The following RPS4Y1 variants were observed in gnomAD, a reference collection of about 807,000 sequenced individuals.
RPS4Y1 encodes the protein ribosomal protein S4 Y-linked 1, also known as small ribosomal subunit protein eS4, Y isoform 1.
For synonymous variants in RPS4Y1, 23 were observed against 20.8 expected (o/e 1.10, Z -0.28); for missense variants, 30 against 60.9 (o/e 0.49, Z 1.69).
At chrY:2,851,136 C>A (rs1603309081) in intron 4 of RPS4Y1, among the ~76,000 whole-genome samples, 1 of 32,984 alleles carries the variant, frequency 3.0e-5, no homozygotes, top group East Asian at 8.0e-4. Flanking sequence ...AGCCACCGCG[C>A]CCGGCCCAGA....
At chrY:2,853,053 A>C (rs2051157149) in intron 4 of RPS4Y1, among the ~76,000 whole-genome samples, 1 of 33,357 alleles carries the variant, frequency 3.0e-5, no homozygotes, top group Non-Finnish European at 7.4e-5. Flanking sequence ...CAGTATTTCA[A>C]CTTCGGCCTT....
At position 2,867,014 on chromosome Y, in the gene RPS4Y1, A is replaced by G; in HGVS notation, c.*120A>G. 1 of 171,645 alleles carries G rather than the reference A, an allele frequency of 5.8e-6. No individual in the cohort carries two copies. Among genetic ancestry groups the G allele is most frequent in the Non-Finnish European group, 1.1e-5 (1 of 90,685 alleles). The allele number at this position is 171,645 out of a possible 400,897, so 42.8% of individuals were successfully genotyped here. The stretch of plus-strand genomic sequence containing the variant: ...GTTTGAATTTGCTCATGATTTTGGC[A>G]CTGTCTTAAGATCTCTAGGAATACC... On this transcript the variant is annotated 3_prime_UTR_variant, in exon 7 of 7. Coordinates refer to ENST00000250784, the MANE Select transcript of RPS4Y1 (RefSeq NM_001008.4).
Position 2,845,687 on chromosome Y carries a change from G to A in RPS4Y1, c.304G>A (p.Val102Ile). Residue 102 changes from valine to isoleucine, a missense_variant, in exon 4 of 7, where the codon GTC (valine) becomes ATC (isoleucine). Coordinates refer to ENST00000250784, the MANE Select transcript of RPS4Y1 (RefSeq NM_001008.4). ...IEKTGEHFRL[V>I]YDTKGRFAVH... ...GAAGACAGGTGAACATTTCCGCCTG[G>A]TCTATGACACCAAGGGCCGTTTTGC... 1 of 397,514 alleles carries A rather than the reference G, an allele frequency of 2.5e-6. No homozygotes were observed. The highest frequency in any genetic ancestry group is 3.0e-5 in the South Asian group (1 of 33,779).
At chrY:2,855,129 A>G in intron 5 of RPS4Y1, among the ~76,000 whole-genome samples, 1 of 33,860 alleles carries the variant, frequency 3.0e-5, no homozygotes, top group Non-Finnish European at 7.3e-5. Context: ...GAAGTTGTCC[A>G]GATAATCTTA....
chrY:2,854,699 A>G lies in RPS4Y1; in HGVS notation c.460A>G (p.Ile154Val). ...AACCATCCGCTACCCAGATCCTGTC[A>G]TCAAGGTGAACGATACTGTGCAGAT... ...ARTIRYPDPV[I>V]KVNDTVQIDL... is the part of the protein sequence containing the mutation. The change falls in exon 5 of 7, where the codon ATC becomes GTC. Residue 154 changes from isoleucine (I) to valine (V), a missense_variant. By Grantham distance (29) the Ile-to-Val change is conservative. Coordinates refer to ENST00000250784, the MANE Select transcript of RPS4Y1 (RefSeq NM_001008.4). 2.5e-6 allele frequency: 1 copy of G among 396,564 alleles called. No homozygotes were observed. The highest frequency in any genetic ancestry group is 3.6e-6 in the Non-Finnish European group (1 of 281,457).
chrY:2,847,508 G>A (rs2051153498), intron 4 of RPS4Y1, among the ~76,000 whole-genome samples: 1 of 33,723 alleles, frequency 3.0e-5, no homozygotes, highest in Non-Finnish European at 7.3e-5. Context: ...GAAAGAGTTT[G>A]GGTGAGCCCA....
intron 5 of RPS4Y1, among the ~76,000 whole-genome samples, chrY:2,858,072 TTTC>T (rs2051161183): frequency 3.0e-5 from 1 of 33,497 alleles, no homozygotes; most frequent in Admixed American, 2.7e-4. Context: ...TTTTATATAT[TTTC>T]TTTTTTTTTT....
Position 2,844,058 on chromosome Y carries a change from C to T in RPS4Y1, c.82-19C>T. 2.5e-6 allele frequency: 1 copy of T among 396,032 alleles called. No individual in the cohort carries two copies. The highest frequency in any genetic ancestry group is 3.6e-6 in the Non-Finnish European group (1 of 281,116). On this transcript the variant is annotated intron_variant, in intron 2 of 6. Transcript: ENST00000250784. ...AGTGGATCTTCTTAGATTAGGTTAC[C>T]TTTCCTTGTCTTCTACAGGCACCTC...
chrY:2,858,539 C>T (rs775191440), intron 5 of RPS4Y1, among the ~76,000 whole-genome samples: 1 of 33,620 alleles, frequency 3.0e-5, no homozygotes, highest in South Asian at 6.6e-4. Context: ...AAGGTATTCT[C>T]ATGTTGTTTC....
chrY:2,854,892 T>C, intron 5 of RPS4Y1, 121 bp downstream of exon 5: 1 of 168,198 alleles, frequency 5.9e-6, no homozygotes. Context: ...CTAAAACACA[T>C]TTGGTTTTCT....
At chrY:2,857,815 C>T in intron 5 of RPS4Y1, among the ~76,000 whole-genome samples, 2 of 34,316 alleles carry the variant, frequency 5.8e-5, no homozygotes, top group Admixed American at 5.2e-4. Flanking sequence ...TTTGGGTTGT[C>T]TCCACCTCTT....
At chrY:2,844,932 G>T in intron 3 of RPS4Y1, among the ~76,000 whole-genome samples, 1 of 32,195 alleles carries the variant, frequency 3.1e-5, no homozygotes, top group Non-Finnish European at 7.6e-5. Context: ...GGAAAGGTAA[G>T]GAATTCTGAC....
At chrY:2,861,200 G>T (rs2051163332) in intron 5 of RPS4Y1, among the ~76,000 whole-genome samples, 4 of 32,821 alleles carry the variant, frequency 1.2e-4, no homozygotes, top group African/African-American at 4.8e-4. Flanking sequence ...TTTTTTGTGG[G>T]TTTCCTTTAC....
At chrY:2,855,117 C>A in intron 5 of RPS4Y1, among the ~76,000 whole-genome samples, 1 of 33,592 alleles carries the variant, frequency 3.0e-5, no homozygotes, top group Non-Finnish European at 7.4e-5. Flanking sequence ...AGGTGAAGGG[C>A]TGAAGTTGTC....
At chrY:2,860,634 T>G (rs962214118) in intron 5 of RPS4Y1, among the ~76,000 whole-genome samples, 2 of 33,864 alleles carry the variant, frequency 5.9e-5, no homozygotes, top group African/African-American at 2.3e-4. Context: ...TTTGGCTCTT[T>G]TATAGTTAGA....
chrY:2,853,439 A>AAG (rs2051157535), intron 4 of RPS4Y1, among the ~76,000 whole-genome samples: 1 of 33,680 alleles, frequency 3.0e-5, no homozygotes, highest in Non-Finnish European at 7.3e-5. Context: ...TCTCCCAACA[A>AAG]AGCTGAAAGA....
intron 4 of RPS4Y1, among the ~76,000 whole-genome samples, chrY:2,849,325 G>GT (rs2051154663): frequency 3.0e-5 from 1 of 33,872 alleles, no homozygotes; most frequent in Admixed American, 2.6e-4. Flanking sequence ...TAAGCAGTTG[G>GT]TTTGGCATCC....
chrY:2,860,086 G>A, intron 5 of RPS4Y1, among the ~76,000 whole-genome samples: 1 of 32,900 alleles, frequency 3.0e-5, no homozygotes, highest in African/African-American at 1.2e-4. Flanking sequence ...ATAACATTAC[G>A]AGACAATGAA....
chrY:2,854,678 A>G lies in RPS4Y1; in HGVS notation c.439A>G (p.Ile147Val). ...PHLVTHDART[I>V]RYPDPVIKVN... ...CCTGGTGACTCATGATGCTCGAACC[A>G]TCCGCTACCCAGATCCTGTCATCAA... The change falls in exon 5 of 7, where the codon ATC (isoleucine) becomes GTC (valine). Residue 147 changes from isoleucine to valine, a missense_variant. By Grantham distance (29) the Ile-to-Val change is conservative. Coordinates refer to ENST00000250784, the MANE Select transcript of RPS4Y1 (RefSeq NM_001008.4). 2.5e-6 allele frequency: 1 copy of G among 394,495 alleles called. No homozygotes were observed. The highest frequency in any genetic ancestry group is 3.0e-5 in the South Asian group (1 of 33,694).
Sources: gnomAD v4.1 joint callset for allele counts (sites outside exome capture counted in the v4.1 genomes callset) on GRCh38, gnomAD v4.1.1 for gene constraint, MANE v1.5 for transcripts, NCBI Gene and HGNC (gene_info 2026-07-23, HGNC 2026-07-21) for gene names.